CDIN1: variants seen among roughly 807,000 people sequenced by gnomAD.
CDIN1 encodes CDAN1 interacting nuclease 1, also known as CDAN1-interacting nuclease 1.
Under a neutral mutation model 45.3 loss-of-function variants are expected in CDIN1, and 33 were observed. That is an observed-to-expected ratio of 0.73 (90% CI 0.55 to 0.97). The LOEUF (loss-of-function observed/expected upper bound fraction) is 0.97. Among genes scored for constraint, CDIN1 ranks in the 50% least tolerant of loss-of-function variants. CDIN1 has a pLI of 0.00. For synonymous variants in CDIN1, 118 were observed against 124.4 expected, an observed-to-expected ratio of 0.95 and a Z score of 0.34; for missense variants, 303 against 339.4, an observed-to-expected ratio of 0.89 and a Z score of 0.84.
intron 10 of CDIN1, among the ~76,000 whole-genome samples, chr15:36,784,751 C>T (rs1341899159): frequency 1.3e-5 from 2 of 151,976 alleles, no homozygotes; most frequent in South Asian, 4.1e-4. Flanking sequence ...AATTCTCCCC[C>T]TTTAAAAAAC....
At chr15:36,751,241 A>G (rs2053461682) in intron 10 of CDIN1, among the ~76,000 whole-genome samples, 1 of 140,100 alleles carries the variant, frequency 7.1e-6, no homozygotes, top group South Asian at 2.3e-4. Flanking sequence ...ATATATATAT[A>G]TATATATATA....
chr15:36,650,625 T>G (rs913495717), intron 3 of CDIN1, among the ~76,000 whole-genome samples: 1 of 151,868 alleles, frequency 6.6e-6, no homozygotes, highest in Non-Finnish European at 1.5e-5. Context: ...GTGCTTTTAG[T>G]AGAGACAAGG....
At chr15:36,750,413 A>G (rs1004116663) in intron 10 of CDIN1, among the ~76,000 whole-genome samples, 3 of 152,332 alleles carry the variant, frequency 2.0e-5, no homozygotes, top group African/African-American at 4.8e-5. Flanking sequence ...TGGATAGGAA[A>G]GCAAAGGCTC....
intron 10 of CDIN1, among the ~76,000 whole-genome samples, chr15:36,711,891 G>T (rs2043068836): frequency 6.6e-6 from 1 of 152,152 alleles, no homozygotes. Flanking sequence ...TGTAACATAT[G>T]ATAATGATAC....
chr15:36,693,647 A>G (rs1380889413), intron 7 of CDIN1, among the ~76,000 whole-genome samples: 1 of 152,210 alleles, frequency 6.6e-6, no homozygotes, highest in African/African-American at 2.4e-5. Flanking sequence ...TGCACGGACT[A>G]AAGTATGAAG....
At chr15:36,782,320 A>G (rs2054374222) in intron 10 of CDIN1, among the ~76,000 whole-genome samples, 1 of 152,200 alleles carries the variant, frequency 6.6e-6, no homozygotes, top group Admixed American at 6.5e-5. Context: ...CCATTAGATG[A>G]TCAAAAATGT....
intron 5 of CDIN1, among the ~76,000 whole-genome samples, chr15:36,660,373 A>G (rs545865833): frequency 7.2e-5 from 11 of 152,230 alleles, no homozygotes; most frequent in African/African-American, 2.6e-4. Flanking sequence ...AAAACTAGAA[A>G]TCAGGCAAAA....
intron 10 of CDIN1, among the ~76,000 whole-genome samples, chr15:36,780,094 C>CCGTT (rs1258109348): frequency 1.3e-5 from 2 of 151,832 alleles, no homozygotes; most frequent in Admixed American, 6.6e-5. Context: ...ACTGAAGCAC[C>CCGTT]CGTTGTATGG....
At chr15:36,736,032 T>A (rs1246999694) in intron 10 of CDIN1, among the ~76,000 whole-genome samples, 1 of 152,158 alleles carries the variant, frequency 6.6e-6, no homozygotes, top group Non-Finnish European at 1.5e-5. Flanking sequence ...ATCCTCCCCA[T>A]TAGTTCATTT....
intron 5 of CDIN1, among the ~76,000 whole-genome samples, chr15:36,679,881 G>A (rs1362211836): frequency 6.6e-6 from 1 of 152,134 alleles, no homozygotes; most frequent in Non-Finnish European, 1.5e-5. Flanking sequence ...TCAGCACCCA[G>A]GTGATGCACC....
chr15:36,682,262 C>A (rs748724965), intron 5 of CDIN1, among the ~76,000 whole-genome samples: 1 of 152,072 alleles, frequency 6.6e-6, no homozygotes, highest in African/African-American at 2.4e-5. Context: ...GCTTGAGACA[C>A]AGGAAGAGCC....
At chr15:36,793,765 TG>T (rs2054710058) in intron 10 of CDIN1, among the ~76,000 whole-genome samples, 1 of 152,184 alleles carries the variant, frequency 6.6e-6, no homozygotes, top group African/African-American at 2.4e-5. Context: ...ACAAAGAGTT[TG>T]GGCAGCTTTA....
At chr15:36,745,237 T>C (rs2044379346) in intron 10 of CDIN1, among the ~76,000 whole-genome samples, 1 of 150,192 alleles carries the variant, frequency 6.7e-6, no homozygotes, top group Non-Finnish European at 1.5e-5. Flanking sequence ...CTTCATTTGT[T>C]ATCAGCCCAG....
At chr15:36,646,352 G>A (rs2040328518) in intron 3 of CDIN1, among the ~76,000 whole-genome samples, 1 of 152,008 alleles carries the variant, frequency 6.6e-6, no homozygotes, top group Non-Finnish European at 1.5e-5. Flanking sequence ...TGCTATATGT[G>A]GTAAAAGATA....
intron 5 of CDIN1, among the ~76,000 whole-genome samples, chr15:36,687,130 A>G (rs1412424204): frequency 6.6e-6 from 1 of 152,116 alleles, no homozygotes; most frequent in Non-Finnish European, 1.5e-5. Flanking sequence ...TTAATTAACT[A>G]GAAGGTAGGG....
chr15:36,773,379 A>G (rs544948951), intron 10 of CDIN1, among the ~76,000 whole-genome samples: 5 of 152,366 alleles, frequency 3.3e-5, no homozygotes, highest in African/African-American at 1.2e-4. Flanking sequence ...CTAGCCTTAT[A>G]TTGCCATTCA....
chr15:36,760,600 C>T (rs1280600345), intron 10 of CDIN1, among the ~76,000 whole-genome samples: 1 of 152,178 alleles, frequency 6.6e-6, no homozygotes, highest in Non-Finnish European at 1.5e-5. Context: ...TTTGTCTCTT[C>T]CACAGAAATT....
At chr15:36,664,789 G>A (rs190017325) in intron 5 of CDIN1, among the ~76,000 whole-genome samples, 169 of 152,024 alleles carry the variant, frequency 1.1e-3, no homozygotes, top group African/African-American at 3.7e-3. Flanking sequence ...CTCGTGATCC[G>A]CCCGCCTTGG....
At chr15:36,717,845 G>A (rs2043267331) in intron 10 of CDIN1, among the ~76,000 whole-genome samples, 1 of 152,002 alleles carries the variant, frequency 6.6e-6, no homozygotes, top group African/African-American at 2.4e-5. Flanking sequence ...CACTTAGTAT[G>A]GTCAGTCTTT....
Sources: gnomAD v4.1 joint callset for allele counts (sites outside exome capture counted in the v4.1 genomes callset) on GRCh38, gnomAD v4.1.1 for gene constraint, MANE v1.5 for transcripts, NCBI Gene and HGNC (gene_info 2026-07-23, HGNC 2026-07-21) for gene names.